Variants in SPOCK3 observed in about 807,000 individuals in gnomAD.
SPOCK3 encodes the protein testican-3.
SPOCK3 carries 30 observed loss-of-function variants against 56.6 expected under a neutral mutation model. That is an observed-to-expected ratio of 0.53 (90% CI 0.40 to 0.72). The LOEUF (loss-of-function observed/expected upper bound fraction) is 0.72. Ranked by LOEUF, SPOCK3 falls within the 30% of genes least tolerant of loss-of-function variation. The probability of loss-of-function intolerance (pLI) is 0.00; values close to 1 mark genes in which losing one functional copy is unlikely to be tolerated. For missense variants in SPOCK3, 527 were observed against 530.0 expected (o/e 0.99, Z 0.06); for synonymous variants, 196 against 183.3 (o/e 1.07, Z -0.56).
rs185178392 is a variant in SPOCK3 at position 167,055,985 on chromosome 4, G to C, written c.235+6507C>G. Among the ~76,000 whole-genome samples, 617 of 152,302 alleles carry C rather than the reference G, an allele frequency of 4.1e-3. 9 individuals carry two copies. The highest frequency in any genetic ancestry group is 0.014 in the African/African-American group (563 of 41,568). On this transcript the variant is annotated intron_variant, in intron 3 of 10. Coordinates refer to ENST00000357545, the MANE Select transcript of SPOCK3 (RefSeq NM_001040159.2). ...AGCACGAAGCTGGAGATCTGAGAAC[G>C]GGCAGACTGCCTCCTGAAGTGGGTC...
intron 4 of SPOCK3, among the ~76,000 whole-genome samples, chr4:166,956,875 A>G (rs1388748262): frequency 6.6e-6 from 1 of 152,028 alleles, no homozygotes; most frequent in Admixed American, 6.6e-5. Flanking sequence ...AAACATTCTC[A>G]TCCTCCTTGC....
chr4:166,852,171 T>C (rs186952180), intron 6 of SPOCK3, among the ~76,000 whole-genome samples: 2 of 152,042 alleles, frequency 1.3e-5, no homozygotes, highest in Non-Finnish European at 2.9e-5. Flanking sequence ...GGGGGAGCGA[T>C]AGCATTGGGA....
intron 2 of SPOCK3, among the ~76,000 whole-genome samples, chr4:167,076,758 T>A (rs1580216876): frequency 6.6e-6 from 1 of 151,864 alleles, no homozygotes; most frequent in Non-Finnish European, 1.5e-5. Flanking sequence ...ACTGTGAAAC[T>A]ATTTTTTGCA....
chr4:166,857,027 A>G (rs965924398), intron 6 of SPOCK3, among the ~76,000 whole-genome samples: 1 of 152,180 alleles, frequency 6.6e-6, no homozygotes. Flanking sequence ...ACAAGGCATC[A>G]TATCATCTGA....
chr4:166,743,245 A>G (rs1199691347), intron 8 of SPOCK3, among the ~76,000 whole-genome samples: 2 of 152,210 alleles, frequency 1.3e-5, no homozygotes, highest in Non-Finnish European at 2.9e-5. Context: ...ATAATATACT[A>G]TATCTTATTG....
At chr4:167,029,046 C>A (rs57641426) in intron 3 of SPOCK3, among the ~76,000 whole-genome samples, 12,490 of 152,000 alleles carry the variant, frequency 0.082, 636 homozygotes, top group African/African-American at 0.14. Context: ...GCCCAGCATC[C>A]ATTAGCTATT....
chr4:166,834,833 C>T (rs1277245324), intron 6 of SPOCK3, among the ~76,000 whole-genome samples: 1 of 151,984 alleles, frequency 6.6e-6, no homozygotes, highest in African/African-American at 2.4e-5. Context: ...TTTTATCTCT[C>T]TTTTAATTAG....
In SPOCK3 at chr4:167,215,850, C is replaced by T. The variant is rs183682273; in HGVS notation, c.189+18135G>A. Among the ~76,000 whole-genome samples, 261 of 152,184 alleles carry T rather than the reference C, an allele frequency of 1.7e-3. 1 individual carries two copies. Among genetic ancestry groups the T allele is most frequent in the Admixed American group, 0.016 (239 of 15,278 alleles). Reference sequence around the variant, plus strand: ...CACCATCCATGATTTGGCCTTCAGCCCTAAAGCCTCAGAAACCTTGTTCTG... The same window carrying T: ...CACCATCCATGATTTGGCCTTCAGCTCTAAAGCCTCAGAAACCTTGTTCTG... On this transcript the variant is annotated intron_variant, in intron 2 of 10. Coordinates refer to ENST00000357545, the MANE Select transcript of SPOCK3 (RefSeq NM_001040159.2).
intron 6 of SPOCK3, among the ~76,000 whole-genome samples, chr4:166,843,280 C>G (rs76580768): frequency 6.6e-6 from 1 of 152,226 alleles, no homozygotes; most frequent in African/African-American, 2.4e-5. Flanking sequence ...TTGGCCAGAG[C>G]GGACGCCGAG....
chr4:167,095,354 G>A (rs1255500303), intron 2 of SPOCK3, among the ~76,000 whole-genome samples: 1 of 151,816 alleles, frequency 6.6e-6, no homozygotes, highest in Non-Finnish European at 1.5e-5. Context: ...TTGAATAACA[G>A]TAATGTCATC....
At chr4:166,844,907 C>T (rs1010813610) in intron 6 of SPOCK3, among the ~76,000 whole-genome samples, 5 of 152,150 alleles carry the variant, frequency 3.3e-5, no homozygotes, top group Admixed American at 3.3e-4. Context: ...AAATAGCTCT[C>T]TGCTTAGTGA....
intron 3 of SPOCK3, among the ~76,000 whole-genome samples, chr4:167,004,664 A>G (rs1749291729): frequency 6.6e-6 from 1 of 152,200 alleles, no homozygotes; most frequent in African/African-American, 2.4e-5. Context: ...GGGTGTGAAG[A>G]TGGAGAAGAG....
chr4:166,793,816 G>C (rs1741606063), intron 6 of SPOCK3, among the ~76,000 whole-genome samples: 1 of 152,146 alleles, frequency 6.6e-6, no homozygotes, highest in African/African-American at 2.4e-5. Flanking sequence ...ATTTCTAAGA[G>C]AAATCAGGTG....
chr4:166,782,129 T>G (rs1038542334), intron 7 of SPOCK3, among the ~76,000 whole-genome samples: 1 of 152,134 alleles, frequency 6.6e-6, no homozygotes, highest in Non-Finnish European at 1.5e-5. Context: ...TCTCTAGTTA[T>G]TTTGAAACAT....
intron 2 of SPOCK3, among the ~76,000 whole-genome samples, chr4:167,134,239 G>T (rs1762933606): frequency 6.6e-6 from 1 of 151,546 alleles, no homozygotes; most frequent in Non-Finnish European, 1.5e-5. Flanking sequence ...CGCCATTTTG[G>T]CCAGGCTGGT....
intron 2 of SPOCK3, among the ~76,000 whole-genome samples, chr4:167,066,125 T>C (rs116317010): frequency 0.011 from 1,696 of 152,048 alleles, 18 homozygotes; most frequent in Non-Finnish European, 0.018. Flanking sequence ...GTTTAAACTG[T>C]CTTTTTCCTT....
At chr4:166,744,866 C>T (rs1735367608) in intron 8 of SPOCK3, among the ~76,000 whole-genome samples, 1 of 151,728 alleles carries the variant, frequency 6.6e-6, no homozygotes, top group East Asian at 1.9e-4. Flanking sequence ...CCGATTCGAT[C>T]AAGTGGAAGA....
intron 4 of SPOCK3, among the ~76,000 whole-genome samples, chr4:166,950,197 T>A (rs369676968): frequency 6.6e-6 from 1 of 151,646 alleles, no homozygotes; most frequent in Non-Finnish European, 1.5e-5. Flanking sequence ...ACCCATCTCA[T>A]GTGCAGAGAC....
intron 6 of SPOCK3, among the ~76,000 whole-genome samples, chr4:166,873,207 T>TAA (rs901690340): frequency 9.3e-4 from 121 of 130,194 alleles, no homozygotes; most frequent in African/African-American, 2.8e-3. Flanking sequence ...ATGAAGAAGT[T>TAA]AAAAAAAAAA....
Sources: gnomAD v4.1 joint callset for allele counts (sites outside exome capture counted in the v4.1 genomes callset) on GRCh38, gnomAD v4.1.1 for gene constraint, MANE v1.5 for transcripts, NCBI Gene and HGNC (gene_info 2026-07-23, HGNC 2026-07-21) for gene names.